The following OTUD7A variants were observed in gnomAD, a reference collection of about 807,000 sequenced individuals.
The protein encoded by OTUD7A is OTU domain-containing protein 7A.
Under a neutral mutation model 65.7 loss-of-function variants are expected in OTUD7A, and 12 were observed. The observed-to-expected ratio is 0.18, with a 90% CI of 0.12 to 0.30. OTUD7A has a LOEUF of 0.30. Ranked by LOEUF, OTUD7A falls within the 10% of genes least tolerant of loss-of-function variation. The probability of loss-of-function intolerance (pLI) is 1.00; values close to 1 mark genes in which losing one functional copy is unlikely to be tolerated. For synonymous variants in OTUD7A, 641 were observed against 586.3 expected (o/e 1.09, Z -1.35); for missense variants, 1,148 against 1,304.8 (o/e 0.88, Z 1.85).
At chr15:31,700,387 C>A (rs1234680373) in intron 1 of OTUD7A, among the ~76,000 whole-genome samples, 6 of 152,092 alleles carry the variant, frequency 3.9e-5, no homozygotes, top group Admixed American at 1.3e-4. Context: ...ATACGTCTCA[C>A]AGGTACCTCA....
At chr15:31,560,015 C>G (rs1202907966) in intron 4 of OTUD7A, among the ~76,000 whole-genome samples, 1 of 152,242 alleles carries the variant, frequency 6.6e-6, no homozygotes. Flanking sequence ...GCCCACAGTA[C>G]AACTGCACAT....
chr15:31,545,692 G>C (rs1453218745), intron 5 of OTUD7A, among the ~76,000 whole-genome samples: 1 of 152,128 alleles, frequency 6.6e-6, no homozygotes, highest in Non-Finnish European at 1.5e-5. Context: ...TAAAACCACT[G>C]TGTGGATACT....
intron 5 of OTUD7A, among the ~76,000 whole-genome samples, chr15:31,553,074 C>T (rs780568898): frequency 2.0e-5 from 3 of 152,188 alleles, no homozygotes; most frequent in African/African-American, 4.8e-5. Flanking sequence ...CATGGCTTCC[C>T]GAGAACCTTG....
At chr15:31,791,940 T>C (rs904191049) in intron 1 of OTUD7A, among the ~76,000 whole-genome samples, 2 of 152,074 alleles carry the variant, frequency 1.3e-5, no homozygotes, top group African/African-American at 4.8e-5. Context: ...CTGGATGATG[T>C]AGAGAAGATA....
At chr15:31,611,719 C>T (rs1241687709) in intron 3 of OTUD7A, among the ~76,000 whole-genome samples, 2 of 151,936 alleles carry the variant, frequency 1.3e-5, no homozygotes, top group African/African-American at 2.4e-5. Flanking sequence ...CAGAATTCTA[C>T]CAGACAAAGA....
chr15:31,496,425 T>C (rs576968383), intron 10 of OTUD7A, among the ~76,000 whole-genome samples: 38 of 152,252 alleles, frequency 2.5e-4, no homozygotes, highest in Non-Finnish European at 4.1e-4. Context: ...GGTTTCACCA[T>C]GTTAGCCAGG....
At chr15:31,724,122 T>C (rs1893820982) in intron 1 of OTUD7A, among the ~76,000 whole-genome samples, 1 of 152,038 alleles carries the variant, frequency 6.6e-6, no homozygotes, top group African/African-American at 2.4e-5. Flanking sequence ...TTAATTTTAC[T>C]TGCTCATTTT....
At chr15:31,550,152 C>T (rs979766597) in intron 5 of OTUD7A, among the ~76,000 whole-genome samples, 13 of 151,364 alleles carry the variant, frequency 8.6e-5, no homozygotes, top group African/African-American at 1.7e-4. Flanking sequence ...CCTGAGATCA[C>T]GGGAAACTAG....
At chr15:31,643,614 T>G (rs1891580699) in intron 3 of OTUD7A, among the ~76,000 whole-genome samples, 1 of 152,248 alleles carries the variant, frequency 6.6e-6, no homozygotes, top group South Asian at 2.1e-4. Context: ...AGTTCTGGTT[T>G]GACTTTGATT....
intron 4 of OTUD7A, among the ~76,000 whole-genome samples, chr15:31,563,824 C>CTTCT (rs1397592568): frequency 6.6e-6 from 1 of 152,232 alleles, no homozygotes; most frequent in Non-Finnish European, 1.5e-5. Flanking sequence ...AGGCAGGGAA[C>CTTCT]TTCTAGAGCC....
At chr15:31,574,642 C>T (rs1889151584) in intron 3 of OTUD7A, among the ~76,000 whole-genome samples, 5 of 152,124 alleles carry the variant, frequency 3.3e-5, no homozygotes, top group Admixed American at 3.3e-4. Context: ...GTTCAATTGG[C>T]AATGAAGTAT....
chr15:31,804,361 C>T (rs926614508), intron 1 of OTUD7A, among the ~76,000 whole-genome samples: 10 of 152,104 alleles, frequency 6.6e-5, no homozygotes, highest in Non-Finnish European at 1.0e-4. Flanking sequence ...TGGAAACACC[C>T]GGGTCCCCCA....
chr15:31,830,283 A>G (rs954867188), intron 1 of OTUD7A, among the ~76,000 whole-genome samples: 4 of 152,222 alleles, frequency 2.6e-5, no homozygotes, highest in Admixed American at 2.6e-4. Flanking sequence ...GTGAGACCTC[A>G]TATCTGAGTC....
intron 5 of OTUD7A, among the ~76,000 whole-genome samples, chr15:31,553,986 C>T (rs772375821): frequency 5.9e-5 from 9 of 152,170 alleles, no homozygotes; most frequent in Non-Finnish European, 1.2e-4. Flanking sequence ...GGCTCCCTAG[C>T]GCCCGGCTCC....
chr15:31,578,282 T>A lies in OTUD7A; in HGVS notation c.152-8085A>T, dbSNP rs148383128. Among the ~76,000 whole-genome samples, 650 of 152,316 alleles carry A rather than the reference T, an allele frequency of 4.3e-3. 1 individual carries two copies. The highest frequency in any genetic ancestry group is 6.6e-3 in the Non-Finnish European group (450 of 68,028). ...TCCAGCATTTAAAAGCTGACCAGCA[T>A]TTAACATCCACATTTAACATCCAGC... is the stretch of plus-strand genomic sequence containing the variant. On this transcript the variant is annotated intron_variant, in intron 3 of 12. Coordinates refer to ENST00000307050, the MANE Select transcript of OTUD7A (RefSeq NM_001382637.1).
chr15:31,747,173 G>A (rs972217394), intron 1 of OTUD7A, among the ~76,000 whole-genome samples: 1 of 152,112 alleles, frequency 6.6e-6, no homozygotes, highest in Non-Finnish European at 1.5e-5. Flanking sequence ...CTTACTACTG[G>A]TAAAAGGAGT....
rs2041011506 is a variant in OTUD7A at position 31,476,035 on chromosome 15, T to C, written c.*7259A>G. The C allele has an allele frequency of 1.3e-5, 2 of 152,092 alleles. No homozygotes were observed. The highest frequency in any genetic ancestry group is 2.9e-5 in the Non-Finnish European group (2 of 68,018). 9.4% of individuals were successfully genotyped at this position (152,092 alleles called of 1,614,324 possible). A position where few individuals can be genotyped will look rare whatever the true frequency, so the allele number is the denominator to read the frequency against. ...TAAAACAAGGCCAAATTCTCAAAGG[T>C]GATGGTGAATGGAGTTCAAACTCCG... On this transcript the variant is annotated 3_prime_UTR_variant, in exon 13 of 13. Transcript: ENST00000307050.
At chr15:31,802,655 T>C (rs1443307523) in intron 1 of OTUD7A, among the ~76,000 whole-genome samples, 1 of 152,218 alleles carries the variant, frequency 6.6e-6, no homozygotes, top group Non-Finnish European at 1.5e-5. Context: ...AATTCAGTGC[T>C]GCAATAGCAC....
At chr15:31,740,387 C>CT (rs1894308498) in intron 1 of OTUD7A, among the ~76,000 whole-genome samples, 1 of 150,038 alleles carries the variant, frequency 6.7e-6, no homozygotes, top group Non-Finnish European at 1.5e-5. Flanking sequence ...CTAGAGCTCA[C>CT]ATGTGATGGG....
Sources: gnomAD v4.1 joint callset for allele counts (sites outside exome capture counted in the v4.1 genomes callset) on GRCh38, gnomAD v4.1.1 for gene constraint, MANE v1.5 for transcripts, NCBI Gene and HGNC (gene_info 2026-07-23, HGNC 2026-07-21) for gene names.